The following CBFB variants were observed in gnomAD, a reference collection of about 807,000 sequenced individuals.
CBFB encodes core-binding factor subunit beta, also known as CBF-beta.
A neutral mutation model predicts 30.4 loss-of-function variants in CBFB; 9 were observed. The observed-to-expected ratio is 0.30, with a 90% CI of 0.18 to 0.52. The LOEUF (loss-of-function observed/expected upper bound fraction) is 0.52, where lower values mean the gene tolerates loss of function less well. Among genes scored for constraint, CBFB ranks in the 20% least tolerant of loss-of-function variants. CBFB has a pLI of 0.97. For missense variants in CBFB, 170 were observed against 244.0 expected, an observed-to-expected ratio of 0.70 and a Z score of 2.02; for synonymous variants, 94 against 84.0, an observed-to-expected ratio of 1.12 and a Z score of -0.65.
intron 3 of CBFB, among the ~76,000 whole-genome samples, chr16:67,038,596 A>G (rs1966481717): frequency 6.6e-6 from 1 of 152,110 alleles, no homozygotes; most frequent in South Asian, 2.1e-4. Context: ...AGATTTTACT[A>G]TTTGGTAATT....
chr16:67,098,612 T>G, intron 5 of CBFB, 98 bp from the exon 6 acceptor site: 4 of 651,302 alleles, frequency 6.1e-6, no homozygotes, highest in East Asian at 2.8e-5. Flanking sequence ...TTTTTAGTTA[T>G]GAAGTTTTTC....
chr16:67,086,085 G>A (rs918925834), intron 5 of CBFB, among the ~76,000 whole-genome samples: 16 of 152,198 alleles, frequency 1.1e-4, no homozygotes, highest in Admixed American at 2.0e-4. Context: ...TGTTAGCTAA[G>A]AGAAGAAAAT....
chr16:67,073,906 G>A (rs897122009), intron 4 of CBFB, among the ~76,000 whole-genome samples: 4 of 151,744 alleles, frequency 2.6e-5, no homozygotes, highest in African/African-American at 9.7e-5. Context: ...ATGGTGGAGG[G>A]CACCTGTAGT....
chr16:67,048,949 A>G (rs1966686197), intron 3 of CBFB, among the ~76,000 whole-genome samples: 1 of 150,066 alleles, frequency 6.7e-6, no homozygotes, highest in South Asian at 2.1e-4. Context: ...CCTCCCGAGT[A>G]GCTGGGATTA....
At position 67,099,261 on chromosome 16, in the gene CBFB, T is replaced by G. The variant is rs1158490191; in HGVS notation, c.*483T>G. 1 of 232,184 alleles carries G rather than the reference T, an allele frequency of 4.3e-6. No individual in the cohort carries two copies. Among genetic ancestry groups the G allele is most frequent in the African/African-American group, 2.2e-5 (1 of 45,246 alleles). 14.4% of individuals were successfully genotyped at this position (232,184 alleles called of 1,614,324 possible). A position where few individuals can be genotyped will look rare whatever the true frequency, so the allele number is the denominator to read the frequency against. ...TTTGTTTGCCCCATTTCCTTTTGTG[T>G]TTTTATAGTCTATAGCATTTTAAAA... On this transcript the variant is annotated 3_prime_UTR_variant, in exon 6 of 6. Coordinates refer to ENST00000412916, the MANE Select transcript of CBFB (RefSeq NM_022845.3).
chr16:67,029,987 C>G (rs760151758), intron 2 of CBFB, 174 bp downstream of exon 2: 2 of 476,704 alleles, frequency 4.2e-6, no homozygotes, highest in Non-Finnish European at 7.2e-6. Flanking sequence ...CCGGTACTCG[C>G]GGGGAGACGC....
chr16:67,032,007 T>C (rs1165175946), intron 2 of CBFB, among the ~76,000 whole-genome samples: 1 of 152,154 alleles, frequency 6.6e-6, no homozygotes, highest in Non-Finnish European at 1.5e-5. Flanking sequence ...TGTTGTATTA[T>C]CATCACTATC....
At chr16:67,070,059 A>AT (rs1961176310) in intron 4 of CBFB, among the ~76,000 whole-genome samples, 1 of 152,252 alleles carries the variant, frequency 6.6e-6, no homozygotes, top group Non-Finnish European at 1.5e-5. Flanking sequence ...TGTTTGCTTG[A>AT]TATTAACCTT....
At chr16:67,050,784 C>A (rs1040037132) in intron 3 of CBFB, among the ~76,000 whole-genome samples, 1 of 152,016 alleles carries the variant, frequency 6.6e-6, no homozygotes, top group African/African-American at 2.4e-5. Context: ...TAGAGCAAAA[C>A]CCTGTCTCCA....
At chr16:67,096,107 C>T (rs1014509531) in intron 5 of CBFB, among the ~76,000 whole-genome samples, 4 of 151,420 alleles carry the variant, frequency 2.6e-5, no homozygotes, top group Admixed American at 6.6e-5. Flanking sequence ...CCCAGGAGTT[C>T]GAGACCAGCC....
Position 67,075,197 on chromosome 16 carries a change from ATGTGTGTG to A in CBFB, c.400-6986_400-6979del, listed in dbSNP as rs57425666. Among the ~76,000 whole-genome samples, 83 of 142,766 alleles carry A rather than the reference ATGTGTGTG, an allele frequency of 5.8e-4. 1 individual carries two copies. Among genetic ancestry groups the A allele is most frequent in the South Asian group, 2.5e-3 (11 of 4,426 alleles). The allele number at this position is 142,766 out of a possible 152,430, so 93.7% of individuals were successfully genotyped here. A position where few individuals can be genotyped will look rare whatever the true frequency, so the allele number is the denominator to read the frequency against. On this transcript the variant is annotated intron_variant, in intron 4 of 5. Coordinates refer to ENST00000412916, the MANE Select transcript of CBFB (RefSeq NM_022845.3). ...AGAGCGAGATTCTATCTCAAAAAAA[ATGTGTGTG>A]TGTGTGTGTGTGTGTGTGTGTGTGT...
intron 2 of CBFB, 22 bp from the exon 3 acceptor site, chr16:67,036,617 T>A (rs2145713007): frequency 7.6e-7 from 1 of 1,319,460 alleles, no homozygotes; most frequent in East Asian, 2.3e-5. Context: ...CCTGATCCTG[T>A]TTGTATTGAT....
chr16:67,030,047 G>A (rs1447544541), intron 2 of CBFB: 7 of 448,932 alleles, frequency 1.6e-5, no homozygotes, highest in Non-Finnish European at 2.7e-5. Context: ...GGAGCACCGC[G>A]AGTGGAGCTC....
intron 2 of CBFB, among the ~76,000 whole-genome samples, chr16:67,032,442 A>G (rs760570162): frequency 1.2e-4 from 18 of 152,232 alleles, no homozygotes; most frequent in Non-Finnish European, 4.4e-5. Context: ...AAGACGGCTC[A>G]TGTCTTATTT....
intron 5 of CBFB, among the ~76,000 whole-genome samples, chr16:67,089,447 CATTA>C (rs2145779977): frequency 6.6e-6 from 1 of 152,226 alleles, no homozygotes; most frequent in South Asian, 2.1e-4. Flanking sequence ...AATTTTGTAT[CATTA>C]ATTATTTAGA....
In CBFB at chr16:67,053,251, T is replaced by C. The variant is rs935059620; in HGVS notation, c.283-13431T>C. ...GGACTCTAATGTCACTTTCTCTCTT[T>C]TTTTTTTTTTTTTTTTTTGGTGAGA... On this transcript the variant is annotated intron_variant, in intron 3 of 5. Coordinates refer to ENST00000412916, the MANE Select transcript of CBFB (RefSeq NM_022845.3). Among the ~76,000 whole-genome samples, 52 of 142,930 alleles carry C rather than the reference T, an allele frequency of 3.6e-4. 1 individual carries two copies. The East Asian group carries it at 6.9e-3, about 19-fold the overall frequency. The allele number at this position is 142,930 out of a possible 152,430, so 93.8% of individuals were successfully genotyped here.
chr16:67,063,247 C>T (rs1332248173), intron 3 of CBFB, among the ~76,000 whole-genome samples: 1 of 152,086 alleles, frequency 6.6e-6, no homozygotes, highest in African/African-American at 2.4e-5. Flanking sequence ...TGTGGTTAAA[C>T]GGTTTCAGTT....
At chr16:67,050,662 A>G (rs1597133361) in intron 3 of CBFB, among the ~76,000 whole-genome samples, 1 of 152,190 alleles carries the variant, frequency 6.6e-6, no homozygotes, top group African/African-American at 2.4e-5. Flanking sequence ...GTATGGTGGC[A>G]TGCACCTGTA....
At chr16:67,059,504 A>G (rs1286061129) in intron 3 of CBFB, among the ~76,000 whole-genome samples, 1 of 152,216 alleles carries the variant, frequency 6.6e-6, no homozygotes, top group Admixed American at 6.5e-5. Context: ...GCTCAAACAC[A>G]TACATTTTTG....
Sources: allele counts gnomAD v4.1 joint callset (sites outside exome capture counted in the v4.1 genomes callset), GRCh38; gene constraint gnomAD v4.1.1; transcripts MANE v1.5; gene names NCBI Gene and HGNC (gene_info 2026-07-23, HGNC 2026-07-21).